Variants in NMNAT3 observed in about 807,000 individuals in gnomAD.
NMNAT3 encodes the protein nicotinamide nucleotide adenylyltransferase 3, also known as nicotinamide/nicotinic acid mononucleotide adenylyltransferase 3.
In NMNAT3, 21 loss-of-function variants were observed where a neutral mutation model predicts 24.8. The observed-to-expected ratio is 0.85, with a 90% CI of 0.60 to 1.22. The LOEUF (loss-of-function observed/expected upper bound fraction) is 1.22, where lower values mean the gene tolerates loss of function less well. Ranked by LOEUF, NMNAT3 falls within the 50% of genes most tolerant of loss-of-function variation. The pLI, the probability that NMNAT3 is intolerant of heterozygous loss-of-function variation, is 0.00. For synonymous variants in NMNAT3, 136 were observed against 155.2 expected (o/e 0.88, Z 0.92); for missense variants, 387 against 436.6 (o/e 0.89, Z 1.01).
At chr3:139,643,426 G>A (rs980006351) in intron 1 of NMNAT3, among the ~76,000 whole-genome samples, 3 of 152,294 alleles carry the variant, frequency 2.0e-5, no homozygotes, top group Admixed American at 2.0e-4. Flanking sequence ...ATTCACAGCA[G>A]CATTATTCAC....
intron 2 of NMNAT3, chr3:139,636,006 C>T (rs2056486010): frequency 6.6e-6 from 1 of 152,204 alleles, no homozygotes; most frequent in Admixed American, 6.5e-5. Flanking sequence ...CAAGGACCTA[C>T]TCCAGGTTTG....
chr3:139,609,449 C>T (rs1201673928), intron 3 of NMNAT3, among the ~76,000 whole-genome samples: 4 of 152,130 alleles, frequency 2.6e-5, no homozygotes, highest in African/African-American at 4.8e-5. Context: ...GTAGTAATAT[C>T]TTATTGTGGG....
At chr3:139,643,039 A>G (rs2056757921) in intron 1 of NMNAT3, among the ~76,000 whole-genome samples, 1 of 152,152 alleles carries the variant, frequency 6.6e-6, no homozygotes, top group Non-Finnish European at 1.5e-5. Flanking sequence ...CAAACAACCC[A>G]ATTAAAAAGT....
chr3:139,654,936 G>A (rs527565665), intron 1 of NMNAT3, among the ~76,000 whole-genome samples: 9 of 152,286 alleles, frequency 5.9e-5, no homozygotes, highest in African/African-American at 9.6e-5. Flanking sequence ...GGCTAAGGAC[G>A]GTCACAGCCC....
chr3:139,627,255 G>A (rs771831182), intron 3 of NMNAT3, among the ~76,000 whole-genome samples: 17 of 152,102 alleles, frequency 1.1e-4, no homozygotes, highest in Non-Finnish European at 1.9e-4. Context: ...AGTATCAGGA[G>A]CTTTCTAAGG....
intron 3 of NMNAT3, among the ~76,000 whole-genome samples, chr3:139,595,300 G>T (rs2054395792): frequency 1.3e-5 from 2 of 152,094 alleles, no homozygotes; most frequent in East Asian, 1.9e-4. Context: ...CACTGCTCAA[G>T]GAAATGAAAG....
chr3:139,667,778 C>G (rs1422065317), intron 1 of NMNAT3, among the ~76,000 whole-genome samples: 1 of 152,168 alleles, frequency 6.6e-6, no homozygotes, highest in Non-Finnish European at 1.5e-5. Context: ...CAGAAGCTTT[C>G]TGACAAGCCC....
chr3:139,568,999 G>T (rs1187456092), intron 6 of NMNAT3: 1 of 152,162 alleles, frequency 6.6e-6, no homozygotes, highest in Non-Finnish European at 1.5e-5. Flanking sequence ...AGGTCACTAA[G>T]GACTTGCTTT....
intron 5 of NMNAT3, among the ~76,000 whole-genome samples, chr3:139,574,548 T>A (rs747134542): frequency 1.2e-4 from 18 of 152,228 alleles, no homozygotes; most frequent in Non-Finnish European, 2.1e-4. Context: ...CCTTCTTGTA[T>A]CAATTTGATC....
chr3:139,586,248 A>C (rs1474114171), intron 3 of NMNAT3, among the ~76,000 whole-genome samples: 1 of 152,160 alleles, frequency 6.6e-6, no homozygotes, highest in Non-Finnish European at 1.5e-5. Flanking sequence ...AGAGTGAGAG[A>C]AGCAGAGAAA....
intron 1 of NMNAT3, among the ~76,000 whole-genome samples, chr3:139,647,404 G>A (rs899527966): frequency 6.6e-6 from 1 of 152,150 alleles, no homozygotes; most frequent in Non-Finnish European, 1.5e-5. Context: ...TATTGGAAAG[G>A]AGGTCAACAA....
intron 1 of NMNAT3, among the ~76,000 whole-genome samples, chr3:139,660,655 T>C (rs1274448577): frequency 6.6e-6 from 1 of 152,218 alleles, no homozygotes; most frequent in Non-Finnish European, 1.5e-5. Flanking sequence ...TGATTAGCAG[T>C]GATGTCTCTA....
chr3:139,614,574 G>T (rs1478173939), intron 3 of NMNAT3, among the ~76,000 whole-genome samples: 4 of 152,252 alleles, frequency 2.6e-5, no homozygotes, highest in Non-Finnish European at 5.9e-5. Flanking sequence ...TTTGCAGAAT[G>T]TCCCTCACTT....
chr3:139,566,919 T>C (rs1488182325), intron 6 of NMNAT3: 1 of 152,246 alleles, frequency 6.6e-6, no homozygotes, highest in Non-Finnish European at 1.5e-5. Flanking sequence ...GGTAGGTTGA[T>C]GGAGATGGCA....
At chr3:139,677,202 A>T (rs2108475837) in intron 1 of NMNAT3, among the ~76,000 whole-genome samples, 1 of 152,302 alleles carries the variant, frequency 6.6e-6, no homozygotes, top group South Asian at 2.1e-4. Context: ...TTCAATCTTC[A>T]TAGCTCTGAC....
In NMNAT3 at chr3:139,578,930, G is replaced by C; in HGVS notation, c.517C>G (p.Arg173Gly). The change falls in exon 5 of 7, where the codon CGG becomes GGG. Residue 173 changes from arginine to glycine, a missense_variant. Coordinates refer to ENST00000643695, the MANE Select transcript of NMNAT3 (RefSeq NM_001320510.2). Reference sequence around the variant, plus strand: ...TGCTCACTCTCCCAAGGGTCCACCCGGATCCAGTCGGATGTCTGCAGGGCC... The same window carrying C: ...TGCTCACTCTCCCAAGGGTCCACCCCGATCCAGTCGGATGTCTGCAGGGCC... The C allele has an allele frequency of 6.2e-7, 1 of 1,614,158 alleles. No homozygotes were observed. Among genetic ancestry groups the C allele is most frequent in the African/African-American group, 1.3e-5 (1 of 75,022 alleles).
rs1289393557 is a variant in NMNAT3 at position 139,575,956 on chromosome 3, C to T, written c.576-2276G>A. 1.0e-5 allele frequency: 13 copies of T among 1,288,574 alleles called. No individual in the cohort carries two copies. The African/African-American group carries it at 1.1e-4, about 11-fold the overall frequency. The allele number at this position is 1,288,574 out of a possible 1,614,324, so 79.8% of individuals were successfully genotyped here. On this transcript the variant is annotated intron_variant, in intron 5 of 6. Coordinates refer to ENST00000643695, the MANE Select transcript of NMNAT3 (RefSeq NM_001320510.2). ...GCTCCACGTCCTATTTGTGTGTGAC[C>T]GTGATTAACGTAGCCTCTCTGAGCC... is the stretch of plus-strand genomic sequence containing the variant.
chr3:139,657,086 G>A (rs1000527845), intron 1 of NMNAT3, among the ~76,000 whole-genome samples: 2 of 152,082 alleles, frequency 1.3e-5, no homozygotes, highest in Admixed American at 1.3e-4. Flanking sequence ...CAGAAACTCC[G>A]GGCTCCATCC....
intron 2 of NMNAT3, among the ~76,000 whole-genome samples, chr3:139,631,290 C>G (rs569369651): frequency 6.6e-6 from 1 of 152,226 alleles, no homozygotes; most frequent in South Asian, 2.1e-4. Flanking sequence ...ACTAAGTACC[C>G]TCCCAAGCCA....
Sources: allele counts gnomAD v4.1 joint callset (sites outside exome capture counted in the v4.1 genomes callset), GRCh38; gene constraint gnomAD v4.1.1; transcripts MANE v1.5; gene names NCBI Gene and HGNC (gene_info 2026-07-23, HGNC 2026-07-21).